The following USP10 variants were observed in gnomAD, a reference collection of about 807,000 sequenced individuals.
The protein encoded by USP10 is ubiquitin carboxyl-terminal hydrolase 10.
In USP10, 22 loss-of-function variants were observed where a neutral mutation model predicts 84.5. The observed-to-expected ratio is 0.26, with a 90% CI of 0.19 to 0.37. The LOEUF (loss-of-function observed/expected upper bound fraction) is 0.37, where lower values mean the gene tolerates loss of function less well. Among genes scored for constraint, USP10 ranks in the 10% least tolerant of loss-of-function variants. USP10 has a pLI of 1.00. For missense variants in USP10, 1,019 were observed against 998.9 expected, an observed-to-expected ratio of 1.02 and a Z score of -0.27; for synonymous variants, 454 against 387.6, an observed-to-expected ratio of 1.17 and a Z score of -2.01.
At chr16:84,703,848 C>G (rs550644403) in intron 1 of USP10, among the ~76,000 whole-genome samples, 1 of 152,204 alleles carries the variant, frequency 6.6e-6, no homozygotes, top group East Asian at 1.9e-4. Context: ...TTGAGCCCAT[C>G]TCATTGAGAG....
intron 7 of USP10, 40 bp from the exon 8 acceptor site, chr16:84,760,132 C>T: frequency 6.4e-7 from 1 of 1,570,286 alleles, no homozygotes; most frequent in Non-Finnish European, 8.7e-7. Context: ...TTTATGAGTT[C>T]ATTGTAGTTA....
chr16:84,742,485 C>T (rs139498907), intron 3 of USP10, among the ~76,000 whole-genome samples: 2 of 152,208 alleles, frequency 1.3e-5, no homozygotes, highest in Non-Finnish European at 2.9e-5. Flanking sequence ...CCCTCCCTCG[C>T]CCCCTGCCTT....
chr16:84,760,095 G>A, intron 7 of USP10, 77 bp from the exon 8 acceptor site: 3 of 1,528,412 alleles, frequency 2.0e-6, no homozygotes, highest in Non-Finnish European at 2.7e-6. Context: ...AGGTGGGGGA[G>A]TTTTGATGAT....
At chr16:84,754,126 G>A (rs988511626) in intron 4 of USP10, among the ~76,000 whole-genome samples, 3 of 152,200 alleles carry the variant, frequency 2.0e-5, no homozygotes, top group Non-Finnish European at 2.9e-5. Flanking sequence ...GAGGCACACA[G>A]CACTAATATC....
chr16:84,761,033 A>G (rs1333277739), intron 8 of USP10, among the ~76,000 whole-genome samples: 3 of 152,214 alleles, frequency 2.0e-5, no homozygotes, highest in East Asian at 3.8e-4. Flanking sequence ...CAGGGGTAGC[A>G]TAGGGTCTTA....
intron 2 of USP10, among the ~76,000 whole-genome samples, chr16:84,735,290 A>G (rs909028051): frequency 4.0e-5 from 6 of 151,750 alleles, no homozygotes; most frequent in African/African-American, 1.5e-4. Context: ...CATCACACTG[A>G]TGTAACCATA....
At chr16:84,776,184 A>G (rs1433808236) in intron 13 of USP10, among the ~76,000 whole-genome samples, 1 of 152,032 alleles carries the variant, frequency 6.6e-6, no homozygotes, top group Non-Finnish European at 1.5e-5. Flanking sequence ...AAAACTCACC[A>G]CTCTGGCCTG....
At chr16:84,736,611 AAG>A in intron 2 of USP10, among the ~76,000 whole-genome samples, 1 of 152,354 alleles carries the variant, frequency 6.6e-6, no homozygotes, top group South Asian at 2.1e-4. Flanking sequence ...TTCAGAAAGA[AAG>A]AGAAAATGCT....
intron 1 of USP10, among the ~76,000 whole-genome samples, chr16:84,700,791 C>T (rs1904765349): frequency 1.3e-5 from 2 of 152,142 alleles, no homozygotes; most frequent in Admixed American, 1.3e-4. Flanking sequence ...CCTGCCTGAA[C>T]AGTAGCTAAA....
rs150700912 is a variant in USP10, at chr16:84,739,742, C to G, written c.91-567C>G. Among the ~76,000 whole-genome samples, 1,369 of 152,316 alleles carry G rather than the reference C, an allele frequency of 9.0e-3. 14 individuals carry two copies. The highest frequency in any genetic ancestry group is 0.016 in the Non-Finnish European group (1,065 of 68,030). ...CCCATTCTGCTTTCTGTCTGCCAAA[C>G]AAGGAATGTGACTTCTAGCTGTTAA... On this transcript the variant is annotated intron_variant, in intron 2 of 13. Transcript: ENST00000219473.
chr16:84,752,941 A>C (rs2150836783), intron 4 of USP10, among the ~76,000 whole-genome samples: 1 of 152,306 alleles, frequency 6.6e-6, no homozygotes, highest in Non-Finnish European at 1.5e-5. Flanking sequence ...CATTCCTCTT[A>C]AAATGGAGCT....
At chr16:84,740,905 G>A (rs920698931) in intron 3 of USP10, among the ~76,000 whole-genome samples, 1 of 152,220 alleles carries the variant, frequency 6.6e-6, no homozygotes, top group Non-Finnish European at 1.5e-5. Flanking sequence ...TGCCAGAGAT[G>A]GTGCTTATGG....
In USP10 at chr16:84,777,912, C is replaced by T. The variant is rs538755286; in HGVS notation, c.2210-983C>T. ...TCCCCGCGGAATGCTGCCGGACAGC[C>T]GCCTTCCCGAGGCTGGTGTCTGCTG... On this transcript the variant is annotated intron_variant, in intron 13 of 13. Transcript: ENST00000219473. Among the ~76,000 whole-genome samples the T allele has an allele frequency of 1.1e-4, 17 of 152,326 alleles. No individual in the cohort carries two copies. The South Asian group carries it at 2.3e-3, about 20-fold the overall frequency.
At chr16:84,754,555 A>C (rs868315132) in intron 4 of USP10, among the ~76,000 whole-genome samples, 6 of 152,188 alleles carry the variant, frequency 3.9e-5, no homozygotes, top group Non-Finnish European at 7.4e-5. Flanking sequence ...TTATTGAACA[A>C]ACCACTGGGT....
intron 1 of USP10, among the ~76,000 whole-genome samples, chr16:84,721,396 T>C (rs533195942): frequency 5.9e-5 from 9 of 152,378 alleles, no homozygotes; most frequent in Non-Finnish European, 1.2e-4. Flanking sequence ...GCCATTGGTC[T>C]TCAAGAGCTT....
chr16:84,733,388 T>C (rs748028323), intron 1 of USP10, 47 bp from the exon 2 acceptor site: 3 of 1,417,854 alleles, frequency 2.1e-6, no homozygotes, highest in East Asian at 2.3e-5. Flanking sequence ...TGAAAGTATA[T>C]AATTTGTATA....
chr16:84,777,535 G>T (rs1441842246), intron 13 of USP10, among the ~76,000 whole-genome samples: 1 of 152,148 alleles, frequency 6.6e-6, no homozygotes, highest in Non-Finnish European at 1.5e-5. Flanking sequence ...CCTTGGATTG[G>T]CTGTGTCCCT....
Position 84,745,465 on chromosome 16 carries a change from C to G in USP10, c.984C>G (p.Gly328=), listed in dbSNP as rs1459054315. Reference sequence around the variant, plus strand: ...CATCACCTCCTGCTGACGGCACGGGCTCTGCATCAGGCACCCTTCCTGTCA... The same window carrying G: ...CATCACCTCCTGCTGACGGCACGGGGTCTGCATCAGGCACCCTTCCTGTCA... The part of the protein sequence containing the change: ...ESASPPADGT[G]SASGTLPVSQ... The change falls in exon 4 of 14, where the codon GGC becomes GGG. Residue 328 remains glycine (G), a synonymous_variant. Transcript: ENST00000219473. The G allele has an allele frequency of 1.2e-6, 2 of 1,613,388 alleles. No individual in the cohort carries two copies. The highest frequency in any genetic ancestry group is 2.2e-5 in the East Asian group (1 of 44,886).
intron 1 of USP10, among the ~76,000 whole-genome samples, chr16:84,703,641 A>G (rs1597255752): frequency 6.6e-6 from 1 of 152,264 alleles, no homozygotes; most frequent in African/African-American, 2.4e-5. Context: ...GCATTTGGAG[A>G]TAACAGTTTT....
Sources: gnomAD v4.1 joint callset for allele counts (sites outside exome capture counted in the v4.1 genomes callset) on GRCh38, gnomAD v4.1.1 for gene constraint, MANE v1.5 for transcripts, NCBI Gene and HGNC (gene_info 2026-07-23, HGNC 2026-07-21) for gene names.